KIDINS220: variants seen among roughly 807,000 people sequenced by gnomAD.
KIDINS220 encodes kinase D-interacting substrate of 220 kDa.
Under a neutral mutation model 157.6 loss-of-function variants are expected in KIDINS220, and 63 were observed. The observed-to-expected ratio is 0.40, with a 90% CI of 0.33 to 0.49. The LOEUF is 0.49. KIDINS220 is among the 20% of genes least tolerant of loss of function. KIDINS220 has a pLI of 0.66. For missense variants in KIDINS220, 1,772 were observed against 2,171.2 expected (o/e 0.82, Z 3.65); for synonymous variants, 732 against 783.6 (o/e 0.93, Z 1.10).
intron 2 of KIDINS220, chr2:8,825,822 A>G (rs1205243055): frequency 6.6e-6 from 1 of 152,160 alleles, no homozygotes; most frequent in African/African-American, 2.4e-5. Flanking sequence ...GCGATGGCTC[A>G]CACCTGTAAT....
chr2:8,779,980 T>G (rs1411376331), intron 17 of KIDINS220, among the ~76,000 whole-genome samples, 166 bp from the exon 18 acceptor site: 1 of 152,214 alleles, frequency 6.6e-6, no homozygotes, highest in Non-Finnish European at 1.5e-5. Flanking sequence ...GCTTCACAAT[T>G]TACCAAGTGA....
chr2:8,805,821 C>A (rs1018124254), intron 7 of KIDINS220, among the ~76,000 whole-genome samples: 1 of 152,148 alleles, frequency 6.6e-6, no homozygotes, highest in African/African-American at 2.4e-5. Context: ...GTATTCAGTA[C>A]GGTAACACAC....
downstream of KIDINS220, chr2:8,727,396 G>T: frequency 3.7e-6 from 1 of 273,956 alleles, no homozygotes; most frequent in Non-Finnish European, 5.6e-6. Flanking sequence ...AAGGGGCACG[G>T]TGCCTTCTAG....
In KIDINS220 at chr2:8,754,272, C is replaced by T. The variant is rs946273968; in HGVS notation, c.3012-2628G>A. ...TCACAAGCCAACAGGCTACTGCTGG[C>T]TTCCAGATTGAAGTCTCTATTCTAA... On this transcript the variant is annotated intron_variant, in intron 22 of 29. Transcript: ENST00000256707. Among the ~76,000 whole-genome samples the T allele has an allele frequency of 4.6e-5, 7 of 152,208 alleles. No homozygotes were observed. The South Asian group carries it at 8.3e-4, about 18-fold the overall frequency.
intron 2 of KIDINS220, among the ~76,000 whole-genome samples, chr2:8,824,907 T>C (rs1274329032): frequency 6.6e-6 from 1 of 152,114 alleles, no homozygotes; most frequent in Non-Finnish European, 1.5e-5. Context: ...TTATGCTAAC[T>C]GAAATAAGCC....
intron 17 of KIDINS220, 105 bp from the exon 18 acceptor site, chr2:8,779,919 C>T (rs1572625637): frequency 5.1e-6 from 6 of 1,178,378 alleles, no homozygotes; most frequent in South Asian, 1.5e-5. Flanking sequence ...GAACAGAAGA[C>T]ATTCAAAGTC....
At chr2:8,749,416 AT>A in intron 24 of KIDINS220, 1 of 456,304 alleles carries the variant, frequency 2.2e-6, no homozygotes, top group Admixed American at 2.4e-5. Context: ...TTCATGCTCC[AT>A]TTTCCTACAG....
At chr2:8,744,386 AAAATATATATATATAATATATAT>A (rs1666184471) in intron 26 of KIDINS220, among the ~76,000 whole-genome samples, 4 of 26,866 alleles carry the variant, frequency 1.5e-4, no homozygotes, top group African/African-American at 1.8e-4. Context: ...AAAAAAAAAA[AAAATATATATATATAATATATAT>A]ATATATATAT....
intron 2 of KIDINS220, among the ~76,000 whole-genome samples, chr2:8,820,106 G>A (rs181415706): frequency 1.6e-4 from 25 of 152,260 alleles, no homozygotes; most frequent in African/African-American, 6.0e-4. Flanking sequence ...TACCCAAGCT[G>A]ACACAAACCC....
chr2:8,763,688 A>G (rs1669079486), intron 22 of KIDINS220, among the ~76,000 whole-genome samples: 1 of 152,238 alleles, frequency 6.6e-6, no homozygotes, highest in Non-Finnish European at 1.5e-5. Flanking sequence ...ATGGCCTTTT[A>G]AAAACAATTC....
At chr2:8,835,193 T>C (rs1332134206) in intron 1 of KIDINS220, among the ~76,000 whole-genome samples, 1 of 152,076 alleles carries the variant, frequency 6.6e-6, no homozygotes, top group African/African-American at 2.4e-5. Context: ...CATTCTTACA[T>C]CCCCAGAACC....
intron 26 of KIDINS220, among the ~76,000 whole-genome samples, chr2:8,741,453 C>T (rs1054482800): frequency 2.0e-5 from 3 of 152,020 alleles, no homozygotes; most frequent in African/African-American, 4.8e-5. Context: ...CGGTGGTGCA[C>T]GCCTGGGTCC....
rs1031798292 is a variant in KIDINS220, at chr2:8,837,584, G to C, written c.-141C>G. On this transcript the variant is annotated 5_prime_UTR_variant, in exon 1 of 30. Coordinates refer to ENST00000256707, the MANE Select transcript of KIDINS220 (RefSeq NM_020738.4). ...CAAGCGCGTCGCCCTCACCACACCC[G>C]GCGGCCATATTCTTCCCTCTCCGCG... 6.6e-6 allele frequency: 1 copy of C among 152,210 alleles called. No individual in the cohort carries two copies. Among genetic ancestry groups the C allele is most frequent in the Non-Finnish European group, 1.5e-5 (1 of 68,084 alleles). The allele number at this position is 152,210 out of a possible 1,614,324, so 9.4% of individuals were successfully genotyped here. A position where few individuals can be genotyped will look rare whatever the true frequency, so the allele number is the denominator to read the frequency against.
chr2:8,739,545 T>C lies in KIDINS220; in HGVS notation c.3586-2546A>G, dbSNP rs561430736. On this transcript the variant is annotated intron_variant, in intron 26 of 29. Transcript: ENST00000256707. ...TAATAATTTGGGGGTGGAAATCTCATAAAAGGGAGGAGAAAGAGTGCAAAA... is the reference window on the plus strand; with the variant it reads ...TAATAATTTGGGGGTGGAAATCTCACAAAAGGGAGGAGAAAGAGTGCAAAA... Among the ~76,000 whole-genome samples the C allele has an allele frequency of 4.6e-5, 7 of 152,138 alleles. 1 individual carries two copies. Among genetic ancestry groups the C allele is most frequent in the African/African-American group, 1.7e-4 (7 of 41,522 alleles).
intron 14 of KIDINS220, 112 bp downstream of exon 14, chr2:8,789,768 T>C (rs1572667722): frequency 3.6e-6 from 3 of 841,588 alleles, no homozygotes; most frequent in South Asian, 3.7e-5. Flanking sequence ...TCTCACCCAA[T>C]TATGAAAATC....
chr2:8,776,372 T>G (rs1422851433), intron 21 of KIDINS220, among the ~76,000 whole-genome samples: 1 of 152,198 alleles, frequency 6.6e-6, no homozygotes, highest in African/African-American at 2.4e-5. Flanking sequence ...ATTGTCAATA[T>G]TTTTTATTCA....
At chr2:8,749,299 A>G (rs1666991623) in intron 24 of KIDINS220, 2 of 397,696 alleles carry the variant, frequency 5.0e-6, no homozygotes, top group Admixed American at 5.9e-5. Flanking sequence ...GGCTTCTATG[A>G]CTAACTAGGT....
intron 11 of KIDINS220, 133 bp downstream of exon 11, chr2:8,796,638 C>T (rs993608827): frequency 1.2e-5 from 9 of 739,206 alleles, no homozygotes; most frequent in Non-Finnish European, 1.9e-5. Context: ...GGATCCAAAG[C>T]CCACACAGAC....
At chr2:8,736,795 T>C (rs536218479) in intron 27 of KIDINS220, 73 bp downstream of exon 27, 3 of 1,511,742 alleles carry the variant, frequency 2.0e-6, no homozygotes, top group Non-Finnish European at 2.7e-6. Flanking sequence ...ATACATAAAG[T>C]TTACACGACC....
Sources: gnomAD v4.1 joint callset for allele counts (sites outside exome capture counted in the v4.1 genomes callset) on GRCh38, gnomAD v4.1.1 for gene constraint, MANE v1.5 for transcripts, NCBI Gene and HGNC (gene_info 2026-07-23, HGNC 2026-07-21) for gene names.